The following NECTIN1 variants were observed in gnomAD, a reference collection of about 807,000 sequenced individuals.
NECTIN1 encodes nectin-1.
NECTIN1 carries 23 observed loss-of-function variants against 48.0 expected under a neutral mutation model. The observed-to-expected ratio is 0.48, with a 90% CI of 0.34 to 0.68. NECTIN1 has a LOEUF of 0.68. NECTIN1 is among the 30% of genes least tolerant of loss of function. The pLI, the probability that NECTIN1 is intolerant of heterozygous loss-of-function variation, is 0.01. For synonymous variants in NECTIN1, 270 were observed against 288.9 expected, an observed-to-expected ratio of 0.93 and a Z score of 0.66; for missense variants, 591 against 709.9, an observed-to-expected ratio of 0.83 and a Z score of 1.90.
chr11:119,694,071 A>G (rs7124934), intron 1 of NECTIN1, among the ~76,000 whole-genome samples: 83,310 of 152,080 alleles, frequency 0.55, 24,414 homozygotes, highest in African/African-American at 0.76. Context: ...TCTGGGGCAG[A>G]AGGAAAGACC....
Position 119,663,638 on chromosome 11 carries a change from C to T in NECTIN1, c.*1109G>A. 2 of 985,652 alleles carry T rather than the reference C, an allele frequency of 2.0e-6. No individual in the cohort carries two copies. Among genetic ancestry groups the T allele is most frequent in the Non-Finnish European group, 2.4e-6 (2 of 829,980 alleles). The allele number at this position is 985,652 out of a possible 1,614,324, so 61.1% of individuals were successfully genotyped here. On this transcript the variant is annotated 3_prime_UTR_variant, in exon 6 of 6. Coordinates refer to ENST00000264025, the MANE Select transcript of NECTIN1 (RefSeq NM_002855.5). ...TACCCTCCGTGTGGATGCTTCTTTA[C>T]CTCTGACTCCTGCAGGTGGATCCCC...
intron 5 of NECTIN1, among the ~76,000 whole-genome samples, chr11:119,668,588 GC>G (rs1450677127): frequency 6.6e-6 from 1 of 152,130 alleles, no homozygotes; most frequent in African/African-American, 2.4e-5. Context: ...CCCACCGATT[GC>G]ACTTCTCCAG....
In NECTIN1 at chr11:119,665,032, G is replaced by C. The variant is rs751351358; in HGVS notation, c.1269C>G (p.Asp423Glu). 3.1e-6 allele frequency: 5 copies of C among 1,613,808 alleles called. No homozygotes were observed. Among genetic ancestry groups the C allele is most frequent in the East Asian group, 4.5e-5 (2 of 44,878 alleles). The change falls in exon 6 of 6, where the codon GAC (aspartate) becomes GAG (glutamate). Residue 423 changes from aspartate to glutamate, a missense_variant. Transcript: ENST00000264025. This position sits in a 1 kb window ranked among gnomAD's most constrained non-coding sequence, Gnocchi z 5.1. ...AQNLQYPDDS[D>E]DEKKAGPLGG... ...CCAGTGGGCCGGCCTTCTTCTCGTC[G>C]TCTGAGTCGTCGGGGTACTGCAGGT...
intron 1 of NECTIN1, among the ~76,000 whole-genome samples, chr11:119,725,831 G>A (rs1273064318): frequency 6.6e-6 from 1 of 152,098 alleles, no homozygotes; most frequent in African/African-American, 2.4e-5. Flanking sequence ...GGAGGGTGTG[G>A]TGTAGGTGGG....
At chr11:119,700,552 G>C (rs1431094177) in intron 1 of NECTIN1, among the ~76,000 whole-genome samples, 1 of 152,212 alleles carries the variant, frequency 6.6e-6, no homozygotes, top group Non-Finnish European at 1.5e-5. Context: ...CCTCCAACAG[G>C]CTGCCGGTGT....
Position 119,649,591 on chromosome 11 carries a change from G to C in NECTIN1, c.1004-9579C>G, listed in dbSNP as rs577315452. Among the ~76,000 whole-genome samples the C allele has an allele frequency of 5.9e-5, 9 of 152,146 alleles. No homozygotes were observed. In the South Asian group the frequency reaches 1.9e-3, roughly 32 times the overall value. On this transcript the variant is annotated intron_variant, in intron 5 of 7. Transcript: ENST00000341398. ...TGTAGTCCCAGCTACTTGGGAGGCC[G>C]AGACAGGAGAATTGCTTGAACCCTG...
rs546702118 is a variant in NECTIN1, at chr11:119,678,114, G to A, written c.431-257C>T. On this transcript the variant is annotated intron_variant, in intron 2 of 5. Transcript: ENST00000264025. The surrounding 1 kb of genome is among the most constrained non-coding windows in gnomAD (Gnocchi z 4.4). ...CTCCTGGAGTCCCAGCATGTCTAAG[G>A]CAAGCAGCGCAGGTGGCTCCTTTCC... 1.3e-4 allele frequency among the ~76,000 whole-genome samples: 20 copies of A among 152,314 alleles called. No homozygotes were observed. The highest frequency in any genetic ancestry group is 4.1e-4 in the African/African-American group (17 of 41,576).
In NECTIN1 at chr11:119,661,115, GA is replaced by G; in HGVS notation, c.*3631del. The G allele has an allele frequency of 1.0e-6, 1 of 985,588 alleles. No homozygotes were observed. The highest frequency in any genetic ancestry group is 1.2e-6 in the Non-Finnish European group (1 of 829,728). 61.1% of individuals were successfully genotyped at this position (985,588 alleles called of 1,614,324 possible). ...CAAACACCCCCCAGGTCAGAACCAGGAGGATCTGCTGGGCTGTCCCTGGACC... is the reference window on the plus strand; with the variant it reads ...CAAACACCCCCCAGGTCAGAACCAGGGGATCTGCTGGGCTGTCCCTGGACC... On this transcript the variant is annotated 3_prime_UTR_variant, in exon 6 of 6. Transcript: ENST00000264025.
intron 1 of NECTIN1, among the ~76,000 whole-genome samples, chr11:119,706,113 C>T (rs1435078568): frequency 5.3e-5 from 8 of 152,318 alleles, no homozygotes; most frequent in East Asian, 1.9e-4. Context: ...GCCAGGCCCT[C>T]GCTCCTCTCT....
At chr11:119,639,797 C>G (rs1864297489) in intron 6 of NECTIN1, 1 of 1,607,632 alleles carries the variant, frequency 6.2e-7, no homozygotes, top group Non-Finnish European at 8.5e-7. Flanking sequence ...TGCTTTAAGT[C>G]TGGGGCTCCC....
rs1303142948 is a variant in NECTIN1 at position 119,709,763 on chromosome 11, C to T, written c.79+18712G>A. 6.6e-6 allele frequency among the ~76,000 whole-genome samples: 1 copy of T among 152,050 alleles called. No individual in the cohort carries two copies. Among genetic ancestry groups the T allele is most frequent in the African/African-American group, 2.4e-5 (1 of 41,374 alleles). On this transcript the variant is annotated intron_variant, in intron 1 of 5. Coordinates refer to ENST00000264025, the MANE Select transcript of NECTIN1 (RefSeq NM_002855.5). The surrounding 1 kb of genome is among the most constrained non-coding windows in gnomAD (Gnocchi z 4.1). Reference sequence around the variant, plus strand: ...CCGGGTTTGTGGAGAGAGGGCAGGACGAGGCGGAGCGGGTTTGAGGGGGAG... The same window carrying T: ...CCGGGTTTGTGGAGAGAGGGCAGGATGAGGCGGAGCGGGTTTGAGGGGGAG...
intron 1 of NECTIN1, among the ~76,000 whole-genome samples, chr11:119,726,352 G>A (rs1375241492): frequency 1.3e-5 from 2 of 152,164 alleles, no homozygotes; most frequent in Non-Finnish European, 2.9e-5. Context: ...CCCTGCACCC[G>A]TGGACCCTAG....
At chr11:119,675,455 A>C in intron 4 of NECTIN1, 145 bp from the exon 5 acceptor site, 1 of 721,262 alleles carries the variant, frequency 1.4e-6, no homozygotes, top group Non-Finnish European at 2.4e-6. Flanking sequence ...AAAAATAATA[A>C]TAATAATCTC....
Position 119,700,641 on chromosome 11 carries a change from G to C in NECTIN1, c.80-21876C>G, listed in dbSNP as rs116511154. Among the ~76,000 whole-genome samples the C allele has an allele frequency of 6.4e-3, 972 of 152,308 alleles. 12 individuals carry two copies. Among genetic ancestry groups the C allele is most frequent in the African/African-American group, 0.022 (911 of 41,554 alleles). ...ACTTCCACATTCCCAGGGTCCTGTA[G>C]CTCAGCGGAAATGAAACCTCTAGGA... On this transcript the variant is annotated intron_variant, in intron 1 of 5. Transcript: ENST00000264025.
downstream of NECTIN1, among the ~76,000 whole-genome samples, chr11:119,657,920 CAAAAAA>C (rs61352311): frequency 2.6e-5 from 2 of 78,272 alleles, no homozygotes; most frequent in South Asian, 1.1e-3. Flanking sequence ...GACCCCGTCT[CAAAAAA>C]AAAAAAAAAA....
At chr11:119,715,363 A>AT (rs967069496) in intron 1 of NECTIN1, among the ~76,000 whole-genome samples, 4 of 150,642 alleles carry the variant, frequency 2.7e-5, no homozygotes, top group South Asian at 2.1e-4. Context: ...TTTTATTTTT[A>AT]TTTTTTTTTA....
chr11:119,679,306 G>C (rs751874487), intron 1 of NECTIN1, among the ~76,000 whole-genome samples: 1 of 152,176 alleles, frequency 6.6e-6, no homozygotes, highest in Non-Finnish European at 1.5e-5. Flanking sequence ...TGGCGTGATG[G>C]ACGAGAAGGT....
At chr11:119,708,471 GC>G (rs1865584037) in intron 1 of NECTIN1, among the ~76,000 whole-genome samples, 1 of 152,220 alleles carries the variant, frequency 6.6e-6, no homozygotes, top group Non-Finnish European at 1.5e-5. Context: ...TCACATCTGT[GC>G]TTTGGAAAGA....
intron 1 of NECTIN1, among the ~76,000 whole-genome samples, chr11:119,702,937 A>T (rs1565398026): frequency 6.6e-6 from 1 of 152,164 alleles, no homozygotes; most frequent in Non-Finnish European, 1.5e-5. Flanking sequence ...CCTGGGAGGC[A>T]GCCCTGTCCC....
Sources: gnomAD v4.1 joint callset for allele counts (sites outside exome capture counted in the v4.1 genomes callset) on GRCh38, gnomAD v4.1.1 for gene constraint, Gnocchi (gnomAD v3.1) non-coding constraint, MANE v1.5 for transcripts, NCBI Gene and HGNC (gene_info 2026-07-23, HGNC 2026-07-21) for gene names.